The following ADGRA2 variants were observed in gnomAD, a reference collection of about 807,000 sequenced individuals.
The protein encoded by ADGRA2 is G-protein coupled receptor 124.
A neutral mutation model predicts 98.7 loss-of-function variants in ADGRA2; 61 were observed. The ratio of observed to expected loss-of-function variants is 0.62; its 90% CI spans 0.50 to 0.76. The LOEUF is 0.76. Ranked by LOEUF, ADGRA2 falls within the 30% of genes least tolerant of loss-of-function variation. The probability of loss-of-function intolerance (pLI) is 0.00; values close to 1 mark genes in which losing one functional copy is unlikely to be tolerated. For synonymous variants in ADGRA2, 858 were observed against 831.5 expected (o/e 1.03, Z -0.55); for missense variants, 1,712 against 1,860.0 (o/e 0.92, Z 1.46).
At chr8:37,809,415 T>G (rs1804764364) in intron 1 of ADGRA2, among the ~76,000 whole-genome samples, 1 of 152,074 alleles carries the variant, frequency 6.6e-6, no homozygotes, top group African/African-American at 2.4e-5. Context: ...CAACTCAATG[T>G]CAATGGAGGC....
chr8:37,818,572 C>T (rs1410501554), intron 2 of ADGRA2, among the ~76,000 whole-genome samples: 4 of 152,240 alleles, frequency 2.6e-5, no homozygotes, highest in African/African-American at 7.2e-5. Context: ...GAATTCTAAA[C>T]GCTGAGTCCC....
chr8:37,803,810 G>A (rs758250093), intron 1 of ADGRA2, among the ~76,000 whole-genome samples: 2 of 152,094 alleles, frequency 1.3e-5, no homozygotes, highest in Non-Finnish European at 2.9e-5. Context: ...AATGGACAGG[G>A]TGGGAGAGCG....
intron 1 of ADGRA2, among the ~76,000 whole-genome samples, chr8:37,799,409 T>C (rs1804435002): frequency 6.6e-6 from 1 of 151,092 alleles, no homozygotes; most frequent in Non-Finnish European, 1.5e-5. Context: ...AGCTGAGAGC[T>C]GTGCGTGCAT....
In ADGRA2 at chr8:37,812,051, G is replaced by A. The variant is rs186840411; in HGVS notation, c.267-2845G>A. ...CGAGAGGCGGAGGTTGCAGTGAGCC[G>A]ACATCGTGCCATTGCACTCCAGTCT... On this transcript the variant is annotated intron_variant, in intron 1 of 18. Transcript: ENST00000412232. Among the ~76,000 whole-genome samples the A allele has an allele frequency of 6.6e-5, 10 of 151,976 alleles. 1 individual carries two copies. The East Asian group carries it at 1.8e-3, about 27-fold the overall frequency.
chr8:37,809,738 G>A (rs1468444836), intron 1 of ADGRA2, among the ~76,000 whole-genome samples: 3 of 152,288 alleles, frequency 2.0e-5, no homozygotes, highest in Non-Finnish European at 4.4e-5. Context: ...AACCGGAAGC[G>A]TGGGCTGCAG....
rs1166848182 is a variant in ADGRA2 at position 37,829,905 on chromosome 8, C to T, written c.609C>T (p.Pro203=). 1 of 1,612,942 alleles carries T rather than the reference C, an allele frequency of 6.2e-7. No homozygotes were observed. Among genetic ancestry groups the T allele is most frequent in the Admixed American group, 1.7e-5 (1 of 60,014 alleles). The change falls in exon 6 of 19, where the codon CCC becomes CCT. Residue 203 remains proline (P), a synonymous_variant. Transcript: ENST00000412232. ...ACTGCCACCTGCGCTGGCTGCTGCCCTGGGCCCAGAATCGCTCCCTGCAGC... is the reference window on the plus strand; with the variant it reads ...ACTGCCACCTGCGCTGGCTGCTGCCTTGGGCCCAGAATCGCTCCCTGCAGC... ...TCDCHLRWLL[P]WAQNRSLQLS... is the part of the protein sequence containing the mutation.
rs1471451497 is a variant in ADGRA2, at chr8:37,797,656, C to G, written c.266+122C>G. On this transcript the variant is annotated intron_variant, in intron 1 of 18. Transcript: ENST00000412232. The surrounding 1 kb of genome is among the most constrained non-coding windows in gnomAD (Gnocchi z 5.3). Reference sequence around the variant, plus strand: ...CCCACTTCAGAGATTTCTGGACAGGCCTGGGTTCAGGCCCCCAGAGGGGAA... The same window carrying G: ...CCCACTTCAGAGATTTCTGGACAGGGCTGGGTTCAGGCCCCCAGAGGGGAA... 3.9e-6 allele frequency: 4 copies of G among 1,019,926 alleles called. No individual in the cohort carries two copies. Among genetic ancestry groups the G allele is most frequent in the Non-Finnish European group, 5.1e-6 (4 of 778,916 alleles). The allele number at this position is 1,019,926 out of a possible 1,614,324, so 63.2% of individuals were successfully genotyped here. A position where few individuals can be genotyped will look rare whatever the true frequency, so the allele number is the denominator to read the frequency against.
intron 8 of ADGRA2, 61 bp downstream of exon 8, chr8:37,831,648 C>G: frequency 4.8e-6 from 7 of 1,472,588 alleles, no homozygotes; most frequent in Non-Finnish European, 6.6e-6. Context: ...TTGCACCTGA[C>G]ATCACAGGTG....
chr8:37,833,921 G>T (rs766301077), intron 10 of ADGRA2, 46 bp from the exon 11 acceptor site: 2 of 1,605,318 alleles, frequency 1.2e-6, no homozygotes, highest in Admixed American at 3.3e-5. Context: ...CAGCTCCTGG[G>T]TCCCAAACCC....
In ADGRA2 at chr8:37,830,013, C is replaced by A; in HGVS notation, c.717C>A (p.Cys239Ter). ...GCCTCCAGGAGGCCCAGCTCTGCTG[C>A]GGTGAGCAAGTCCCCCCAGCTACAC... is the stretch of plus-strand genomic sequence containing the variant. ...LGSLQEAQLC[C>*]EGALELHTHH... Residue 239 changes from cysteine (C) to a stop codon, truncating the protein, a stop_gained and splice_region_variant, in exon 6 of 19, where the codon TGC becomes TGA. Coordinates refer to ENST00000412232, the MANE Select transcript of ADGRA2 (RefSeq NM_032777.10). LOFTEE classifies it high-confidence loss of function. The surrounding 1 kb of genome is among the most constrained non-coding windows in gnomAD (Gnocchi z 4.8). 6.5e-7 allele frequency: 1 copy of A among 1,540,236 alleles called. No individual in the cohort carries two copies.
rs1161512716 is a variant in ADGRA2 at position 37,833,780 on chromosome 8, A to C, written c.1389A>C (p.Val463=). 1 of 1,614,116 alleles carries C rather than the reference A, an allele frequency of 6.2e-7. No homozygotes were observed. Among genetic ancestry groups the C allele is most frequent in the East Asian group, 2.2e-5 (1 of 44,888 alleles). ...EAASFSDMMD[V]VYVAQMIQKF... The stretch of plus-strand genomic sequence containing the variant: ...CTAGCTTTTCAGACATGATGGATGT[A>C]GTCTATGTGGCTCAGATGATCCAGA... The change falls in exon 10 of 19, where the codon GTA becomes GTC. Residue 463 remains valine (V), a synonymous_variant. Coordinates refer to ENST00000412232, the MANE Select transcript of ADGRA2 (RefSeq NM_032777.10).
At chr8:37,823,081 C>T (rs759034850) in intron 2 of ADGRA2, among the ~76,000 whole-genome samples, 5 of 151,390 alleles carry the variant, frequency 3.3e-5, no homozygotes, top group Non-Finnish European at 5.9e-5. Context: ...TAAGTAGTGA[C>T]GGGGTTTCAC....
At position 37,830,401 on chromosome 8, in the gene ADGRA2, G is replaced by A. The variant is rs958408952; in HGVS notation, c.719-309G>A. Among the ~76,000 whole-genome samples, 3 of 152,166 alleles carry A rather than the reference G, an allele frequency of 2.0e-5. No individual in the cohort carries two copies. The highest frequency in any genetic ancestry group is 4.8e-5 in the African/African-American group (2 of 41,424). On this transcript the variant is annotated intron_variant, in intron 6 of 18. Coordinates refer to ENST00000412232, the MANE Select transcript of ADGRA2 (RefSeq NM_032777.10). This position sits in a 1 kb window ranked among gnomAD's most constrained non-coding sequence, Gnocchi z 4.8. Reference sequence around the variant, plus strand: ...GGCATCCCCTTTCCCTCGGTGTCCCGGGGTCAGTCCTCCATCAGCTTTTCT... The same window carrying A: ...GGCATCCCCTTTCCCTCGGTGTCCCAGGGTCAGTCCTCCATCAGCTTTTCT...
At chr8:37,825,995 A>C (rs977983394) in intron 2 of ADGRA2, among the ~76,000 whole-genome samples, 6 of 152,106 alleles carry the variant, frequency 3.9e-5, no homozygotes, top group Non-Finnish European at 1.5e-5. Context: ...GCTGGGCTGC[A>C]GGAAATCGAG....
At chr8:37,823,985 T>C (rs191078317) in intron 2 of ADGRA2, among the ~76,000 whole-genome samples, 1 of 152,264 alleles carries the variant, frequency 6.6e-6, no homozygotes, top group East Asian at 1.9e-4. Flanking sequence ...AAATATTTTC[T>C]CTCATTCTGT....
In ADGRA2 at chr8:37,836,038, AACACACACACACACACACACACAC is replaced by A. The variant is rs58082798; in HGVS notation, c.2050+305_2050+328del. Among the ~76,000 whole-genome samples, 38 of 124,574 alleles carry A rather than the reference AACACACACACACACACACACACAC, an allele frequency of 3.1e-4. 1 individual carries two copies. The highest frequency in any genetic ancestry group is 8.5e-4 in the South Asian group (3 of 3,538). 81.7% of individuals were successfully genotyped at this position (124,574 alleles called of 152,430 possible). On this transcript the variant is annotated intron_variant, in intron 13 of 18. Transcript: ENST00000412232. ...GAGGGCTATGAGCATAGCCCCCTCCAACACACACACACACACACACACACACACACACACACACACACACACACA... is the reference window on the plus strand; with the variant it reads ...GAGGGCTATGAGCATAGCCCCCTCCAACACACACACACACACACACACACA...
chr8:37,841,030 CA>C lies in ADGRA2; in HGVS notation c.2748-55del. 14 of 1,480,900 alleles carry C rather than the reference CA, an allele frequency of 9.5e-6. No individual in the cohort carries two copies. Among genetic ancestry groups the C allele is most frequent in the East Asian group, 2.3e-5 (1 of 43,996 alleles). The allele number at this position is 1,480,900 out of a possible 1,614,324, so 91.7% of individuals were successfully genotyped here. A position where few individuals can be genotyped will look rare whatever the true frequency, so the allele number is the denominator to read the frequency against. On this transcript the variant is annotated intron_variant, in intron 18 of 18. Coordinates refer to ENST00000412232, the MANE Select transcript of ADGRA2 (RefSeq NM_032777.10). This position sits in a 1 kb window ranked among gnomAD's most constrained non-coding sequence, Gnocchi z 5.0. ...CTGTCTCCCCAACCACCCCGGCCCC[CA>C]GCCCCACCCCAGCCATGCCCCCTGT...
chr8:37,821,553 G>GC (rs968403971), intron 2 of ADGRA2, among the ~76,000 whole-genome samples: 2 of 152,178 alleles, frequency 1.3e-5, no homozygotes, highest in Admixed American at 6.5e-5. Context: ...TTTCTGGGGG[G>GC]CTCTGAGGGT....
In ADGRA2 at chr8:37,839,052, G is replaced by C. The variant is rs139221615; in HGVS notation, c.2356G>C (p.Ala786Pro). 2 of 1,608,982 alleles carry C rather than the reference G, an allele frequency of 1.2e-6. No individual in the cohort carries two copies. Among genetic ancestry groups the C allele is most frequent in the Admixed American group, 1.7e-5 (1 of 59,602 alleles). The change falls in exon 15 of 19, where the codon GCC becomes CCC. Residue 786 changes from alanine (A) to proline (P), a missense_variant. Ala to Pro is a conservative substitution (Grantham distance 27). Coordinates refer to ENST00000412232, the MANE Select transcript of ADGRA2 (RefSeq NM_032777.10). ...CTALLLLCLF[A>P]TIITYILNHS... is the part of the protein sequence containing the mutation. ...GGCCTTGCTGCTGCTCTGCCTCTTC[G>C]CCACCATCATCACCTACATCCTCAA...
Sources: allele counts gnomAD v4.1 joint callset (sites outside exome capture counted in the v4.1 genomes callset), GRCh38; gene constraint gnomAD v4.1.1; non-coding constraint Gnocchi (gnomAD v3.1); transcripts MANE v1.5; gene names NCBI Gene and HGNC (gene_info 2026-07-23, HGNC 2026-07-21).